The following HPSE2 variants were observed in gnomAD, a reference collection of about 807,000 sequenced individuals.
The protein encoded by HPSE2 is inactive heparanase-2.
HPSE2 carries 38 observed loss-of-function variants against 60.5 expected under a neutral mutation model. That is an observed-to-expected ratio of 0.63 (90% CI 0.48 to 0.82). The LOEUF (loss-of-function observed/expected upper bound fraction) is 0.82, where lower values mean the gene tolerates loss of function less well. Ranked by LOEUF, HPSE2 falls within the 40% of genes least tolerant of loss-of-function variation. The pLI is 0.00. For missense variants in HPSE2, 713 were observed against 740.4 expected, an observed-to-expected ratio of 0.96 and a Z score of 0.43; for synonymous variants, 295 against 293.2, an observed-to-expected ratio of 1.01 and a Z score of -0.06.
the HPSE2 span, among the ~76,000 whole-genome samples, chr10:99,277,553 G>A: frequency 1.3e-5 from 2 of 152,128 alleles, no homozygotes; most frequent in Non-Finnish European, 2.9e-5. Context: ...AGAGCTCCAT[G>A]AGCCCTTCTA....
the HPSE2 span, among the ~76,000 whole-genome samples, chr10:99,306,503 A>G: frequency 6.6e-6 from 1 of 152,064 alleles, no homozygotes; most frequent in African/African-American, 2.4e-5. Flanking sequence ...TACCCCCCAA[A>G]AAAACCTCAT....
the HPSE2 span, among the ~76,000 whole-genome samples, chr10:99,307,832 G>GCA: frequency 0.01 from 1,403 of 134,494 alleles, 10 homozygotes; most frequent in Middle Eastern, 0.019. Context: ...TAGTAAATGC[G>GCA]CACACACACA....
chr10:98,479,222 G>T (rs183485034), intron 11 of HPSE2, among the ~76,000 whole-genome samples: 1 of 152,086 alleles, frequency 6.6e-6, no homozygotes, highest in Non-Finnish European at 1.5e-5. Flanking sequence ...GAATTGGGGC[G>T]GGGGGCACTG....
At chr10:99,095,936 T>C (rs1273750637) in intron 3 of HPSE2, among the ~76,000 whole-genome samples, 1 of 152,242 alleles carries the variant, frequency 6.6e-6, no homozygotes, top group African/African-American at 2.4e-5. Context: ...TTTGCTTGTA[T>C]ACAATGGACG....
At chr10:99,263,238 C>T in the HPSE2 span, among the ~76,000 whole-genome samples, 1 of 152,178 alleles carries the variant, frequency 6.6e-6, no homozygotes, top group Non-Finnish European at 1.5e-5. Flanking sequence ...CAAAGGTAGG[C>T]TATGCTATAG....
At chr10:99,170,504 C>A (rs1847268235) in intron 2 of HPSE2, among the ~76,000 whole-genome samples, 1 of 152,186 alleles carries the variant, frequency 6.6e-6, no homozygotes, top group Admixed American at 6.5e-5. Flanking sequence ...CACAACAAAT[C>A]AGCATAAATC....
chr10:98,521,362 A>G (rs1942787387), intron 9 of HPSE2, among the ~76,000 whole-genome samples: 1 of 152,264 alleles, frequency 6.6e-6, no homozygotes, highest in Non-Finnish European at 1.5e-5. Context: ...ACATTTATGC[A>G]GCCAACAGAC....
At chr10:98,480,090 T>C (rs1265481183) in intron 11 of HPSE2, among the ~76,000 whole-genome samples, 1 of 127,384 alleles carries the variant, frequency 7.9e-6, no homozygotes, top group Non-Finnish European at 1.6e-5. Context: ...GTCCCTCTCC[T>C]ACATTTTTTT....
intron 3 of HPSE2, among the ~76,000 whole-genome samples, chr10:98,987,092 G>A (rs1956379881): frequency 6.6e-6 from 1 of 151,778 alleles, no homozygotes; most frequent in Non-Finnish European, 1.5e-5. Flanking sequence ...CATTCCTTCT[G>A]AAACTATTCC....
At chr10:98,954,800 G>A (rs567364295) in intron 3 of HPSE2, among the ~76,000 whole-genome samples, 19 of 151,740 alleles carry the variant, frequency 1.3e-4, no homozygotes, top group South Asian at 4.2e-4. Context: ...ACCTTGTTTC[G>A]TTTCATTATA....
intron 3 of HPSE2, among the ~76,000 whole-genome samples, chr10:98,949,060 C>T (rs1955273250): frequency 6.6e-6 from 1 of 151,874 alleles, no homozygotes; most frequent in Admixed American, 6.6e-5. Flanking sequence ...AGTTGGTGCC[C>T]CCTCAACTCC....
intron 11 of HPSE2, among the ~76,000 whole-genome samples, chr10:98,476,316 A>C: frequency 9.4e-6 from 1 of 106,308 alleles, no homozygotes; most frequent in East Asian, 3.1e-4. Flanking sequence ...CACTCTGGGG[A>C]CTGTTGTGGG....
chr10:99,257,757 T>G, the HPSE2 span, among the ~76,000 whole-genome samples: 20 of 152,070 alleles, frequency 1.3e-4, no homozygotes, highest in Admixed American at 1.3e-3. Flanking sequence ...ATTCATACAC[T>G]CCCTCCCCTT....
chr10:99,020,482 T>C (rs1014620166), intron 3 of HPSE2, among the ~76,000 whole-genome samples: 12 of 152,170 alleles, frequency 7.9e-5, no homozygotes, highest in Non-Finnish European at 1.5e-4. Flanking sequence ...TCAGTGTGCT[T>C]TCCCTGGACT....
chr10:99,210,853 T>C (rs1463887776), intron 2 of HPSE2, among the ~76,000 whole-genome samples: 1 of 152,162 alleles, frequency 6.6e-6, no homozygotes, highest in African/African-American at 2.4e-5. Flanking sequence ...TCTGCTAAGA[T>C]GAGGAATAAG....
At chr10:99,065,929 C>T (rs1311909067) in intron 3 of HPSE2, among the ~76,000 whole-genome samples, 1 of 151,498 alleles carries the variant, frequency 6.6e-6, no homozygotes, top group Non-Finnish European at 1.5e-5. Context: ...CTCTCTTCAG[C>T]TTTAAGGGAT....
At chr10:98,749,209 T>C (rs1949697100) in intron 3 of HPSE2, among the ~76,000 whole-genome samples, 1 of 152,000 alleles carries the variant, frequency 6.6e-6, no homozygotes, top group South Asian at 2.1e-4. Context: ...CCCTAGTACT[T>C]GACACTTTAA....
intron 2 of HPSE2, among the ~76,000 whole-genome samples, chr10:99,190,434 TTC>T (rs1004916450): frequency 1.3e-5 from 2 of 152,208 alleles, no homozygotes; most frequent in African/African-American, 2.4e-5. Flanking sequence ...TATTTATTAT[TTC>T]TGTTTTACAG....
At chr10:99,161,181 A>G (rs1006267341) in intron 2 of HPSE2, among the ~76,000 whole-genome samples, 2 of 151,590 alleles carry the variant, frequency 1.3e-5, no homozygotes, top group African/African-American at 4.8e-5. Context: ...TGGTCCCATC[A>G]CTGCACTCCC....
Sources: allele counts gnomAD v4.1 joint callset (sites outside exome capture counted in the v4.1 genomes callset), GRCh38; gene constraint gnomAD v4.1.1; transcripts MANE v1.5; gene names NCBI Gene and HGNC (gene_info 2026-07-23, HGNC 2026-07-21).